The following TBC1D24 variants were observed in gnomAD, a reference collection of about 807,000 sequenced individuals.
TBC1D24 encodes the protein TBC1 domain family member 24.
In TBC1D24, 47 loss-of-function variants were observed where a neutral mutation model predicts 50.7. The observed-to-expected ratio is 0.93, with a 90% CI of 0.73 to 1.18. The LOEUF is 1.18. Among genes scored for constraint, TBC1D24 ranks in the 50% most tolerant of loss-of-function variants. The pLI is 0.00. For synonymous variants in TBC1D24, 324 were observed against 335.2 expected (o/e 0.97, Z 0.36); for missense variants, 688 against 766.5 (o/e 0.90, Z 1.21).
rs568288551 is a variant in TBC1D24, at chr16:2,499,411, G to A, written c.1197G>A (p.Thr399=). ...HEPTLLLIKT[T]QKEVCGAYLS... The stretch of plus-strand genomic sequence containing the variant: ...CTACCCTCTTGCTCATCAAGACCAC[G>A]CAGAAGGAGGTGAGCAGGGGCCCTG... Residue 399 remains threonine, a synonymous_variant, in exon 5 of 8, where the codon ACG becomes ACA. Coordinates refer to ENST00000646147, the MANE Select transcript of TBC1D24 (RefSeq NM_001199107.2). This position sits in a 1 kb window ranked among gnomAD's most constrained non-coding sequence, Gnocchi z 4.0. 22 of 1,613,510 alleles carry A rather than the reference G, an allele frequency of 1.4e-5. No homozygotes were observed. Among genetic ancestry groups the A allele is most frequent in the South Asian group, 5.5e-5 (5 of 90,958 alleles).
chr16:2,496,961 G>A lies in TBC1D24; in HGVS notation c.813G>A (p.Thr271=), dbSNP rs527719763. The A allele has an allele frequency of 1.2e-5, 19 of 1,614,040 alleles. No individual in the cohort carries two copies. Among genetic ancestry groups the A allele is most frequent in the African/African-American group, 5.3e-5 (4 of 75,084 alleles). ...ESDSVKQDIR[T]FVRDIAKTVS... Reference sequence around the variant, plus strand: ...ACAGCGTGAAGCAGGACATCCGCACGTTCGTCAGAGACATCGCGAAGACGG... The same window carrying A: ...ACAGCGTGAAGCAGGACATCCGCACATTCGTCAGAGACATCGCGAAGACGG... The change falls in exon 2 of 8, where the codon ACG becomes ACA. Residue 271 remains threonine (T), a synonymous_variant. Transcript: ENST00000646147.
In TBC1D24 at chr16:2,498,288, T is replaced by C; in HGVS notation, c.1034T>C (p.Val345Ala). The C allele has an allele frequency of 6.2e-7, 1 of 1,611,890 alleles. No homozygotes were observed. The highest frequency in any genetic ancestry group is 8.5e-7 in the Non-Finnish European group (1 of 1,179,056). Residue 345 changes from valine (V) to alanine (A), a missense_variant, in exon 4 of 8, where the codon GTC becomes GCC. Coordinates refer to ENST00000646147, the MANE Select transcript of TBC1D24 (RefSeq NM_001199107.2). ...VHAENFRSEI[V>A]SVREMRDIWS... ...GCAGAGAACTTCCGCTCGGAGATCG[T>C]CAGCGTGAGGGAGATGAGAGACATC...
chr16:2,500,328 C>A lies in TBC1D24; in HGVS notation c.1363C>A (p.Pro455Thr). 8.1e-6 allele frequency: 13 copies of A among 1,611,418 alleles called. No homozygotes were observed. Among genetic ancestry groups the A allele is most frequent in the Non-Finnish European group, 1.1e-5 (13 of 1,179,308 alleles). Residue 455 changes from proline to threonine, a missense_variant, in exon 7 of 8, where the codon CCC becomes ACC. Coordinates refer to ENST00000646147, the MANE Select transcript of TBC1D24 (RefSeq NM_001199107.2). The surrounding 1 kb of genome is among the most constrained non-coding windows in gnomAD (Gnocchi z 8.0). ...VVIKHPELTKPPPLMAAEPTA... is the reference protein window; with the variant it reads ...VVIKHPELTKTPPLMAAEPTA... ...GATCAAGCACCCCGAGCTGACCAAG[C>A]CCCCACCCTTGATGGCTGCCGAGCC... is the stretch of plus-strand genomic sequence containing the variant.
At chr16:2,488,715 A>G (rs1386014918) in intron 1 of TBC1D24, among the ~76,000 whole-genome samples, 2 of 147,960 alleles carry the variant, frequency 1.4e-5, no homozygotes, top group Non-Finnish European at 3.0e-5. Context: ...TCACCATGTT[A>G]GCCAGGATTA....
At chr16:2,497,152 C>T (rs773840708) in intron 2 of TBC1D24, 39 bp downstream of exon 2, 211 of 1,597,982 alleles carry the variant, frequency 1.3e-4, no homozygotes, top group Non-Finnish European at 1.7e-4. Flanking sequence ...CACCCAGGGT[C>T]GGGGGCTGGG....
chr16:2,505,527 G>A lies in TBC1D24; in HGVS notation c.*4569G>A, dbSNP rs147351335. The A allele has an allele frequency of 2.0e-5, 3 of 152,330 alleles. No homozygotes were observed. The East Asian group carries it at 5.8e-4, about 29-fold the overall frequency. 9.4% of individuals were successfully genotyped at this position (152,330 alleles called of 1,614,324 possible). A position where few individuals can be genotyped will look rare whatever the true frequency, so the allele number is the denominator to read the frequency against. ...AATGATTTTACCTCTTAGTTCTTAC[G>A]AAGGATGGTTATCGGGCTGGAAAAA... is the stretch of plus-strand genomic sequence containing the variant. On this transcript the variant is annotated 3_prime_UTR_variant, in exon 8 of 8. Coordinates refer to ENST00000646147, the MANE Select transcript of TBC1D24 (RefSeq NM_001199107.2).
In TBC1D24 at chr16:2,498,991, C is replaced by T. The variant is rs553460218; in HGVS notation, c.1143-366C>T. Among the ~76,000 whole-genome samples the T allele has an allele frequency of 5.3e-5, 8 of 152,356 alleles. No individual in the cohort carries two copies. The South Asian group carries it at 6.2e-4, about 12-fold the overall frequency. On this transcript the variant is annotated intron_variant, in intron 4 of 7. Coordinates refer to ENST00000646147, the MANE Select transcript of TBC1D24 (RefSeq NM_001199107.2). ...CCAAGGACACCAGCCAAGCTCCAGG[C>T]GCCACGTTGGCAGACCAGGGCCTCT...
At chr16:2,497,810 A>G (rs2065756497) in intron 3 of TBC1D24, 83 bp downstream of exon 3, 9 of 1,408,334 alleles carry the variant, frequency 6.4e-6, no homozygotes, top group Admixed American at 3.9e-5. Flanking sequence ...TCTGGGTCTC[A>G]GGGCTGCTCT....
Position 2,483,545 on chromosome 16 carries a change from C to G in TBC1D24, c.-116+8375C>G, listed in dbSNP as rs1190802408. 1 of 152,478 alleles carries G rather than the reference C, an allele frequency of 6.6e-6. No individual in the cohort carries two copies. Among genetic ancestry groups the G allele is most frequent in the East Asian group, 1.9e-4 (1 of 5,192 alleles). The allele number at this position is 152,478 out of a possible 1,614,324, so 9.4% of individuals were successfully genotyped here. On this transcript the variant is annotated intron_variant, in intron 1 of 7. Coordinates refer to ENST00000646147, the MANE Select transcript of TBC1D24 (RefSeq NM_001199107.2). This position sits in a 1 kb window ranked among gnomAD's most constrained non-coding sequence, Gnocchi z 4.0. Reference sequence around the variant, plus strand: ...ATGGGCAGGTGTATGAATGTGCAGCCTCTGGAGTGGGTAGAGTGGTTTTCT... The same window carrying G: ...ATGGGCAGGTGTATGAATGTGCAGCGTCTGGAGTGGGTAGAGTGGTTTTCT...
rs2065641705 is a variant in TBC1D24, at chr16:2,485,437, C to A, written c.-116+10267C>A. On this transcript the variant is annotated intron_variant, in intron 1 of 7. Transcript: ENST00000646147. The surrounding 1 kb of genome is among the most constrained non-coding windows in gnomAD (Gnocchi z 4.6). ...GAGTGCCTGGAGGGCAGCACCGTGT[C>A]CCTCTCCCGTACCTCACCCTAAAGG... 6.6e-6 allele frequency: 1 copy of A among 152,250 alleles called. No homozygotes were observed. Among genetic ancestry groups the A allele is most frequent in the African/African-American group, 2.4e-5 (1 of 41,446 alleles). The allele number at this position is 152,250 out of a possible 1,614,324, so 9.4% of individuals were successfully genotyped here. A position where few individuals can be genotyped will look rare whatever the true frequency, so the allele number is the denominator to read the frequency against.
In TBC1D24 at chr16:2,482,471, C is replaced by G. The variant is rs954421670; in HGVS notation, c.-116+7301C>G. On this transcript the variant is annotated intron_variant, in intron 1 of 7. Transcript: ENST00000646147. This position sits in a 1 kb window ranked among gnomAD's most constrained non-coding sequence, Gnocchi z 5.2. ...AAGGGGACAGGTGTCTCCTGCCACTCTGAACAGTGACATTCCCACAGTGTA... is the reference window on the plus strand; with the variant it reads ...AAGGGGACAGGTGTCTCCTGCCACTGTGAACAGTGACATTCCCACAGTGTA... 6.6e-6 allele frequency among the ~76,000 whole-genome samples: 1 copy of G among 152,178 alleles called. No individual in the cohort carries two copies. Among genetic ancestry groups the G allele is most frequent in the African/African-American group, 2.4e-5 (1 of 41,430 alleles).
In TBC1D24 at chr16:2,500,364, C is replaced by T; in HGVS notation, c.1399C>T (p.Leu467Phe). The T allele has an allele frequency of 6.2e-7, 1 of 1,608,984 alleles. No homozygotes were observed. Among genetic ancestry groups the T allele is most frequent in the South Asian group, 1.1e-5 (1 of 90,050 alleles). The stretch of plus-strand genomic sequence containing the variant: ...GATGGCTGCCGAGCCCACCGCCCCA[C>T]TCAGCCACTCCGCCTCCTCAGACCC... ...PLMAAEPTAP[L>F]SHSASSDPAD... Residue 467 changes from leucine (L) to phenylalanine (F), a missense_variant, in exon 7 of 8, where the codon CTC (leucine) becomes TTC (phenylalanine). By Grantham distance (22) the Leu-to-Phe change is conservative. Coordinates refer to ENST00000646147, the MANE Select transcript of TBC1D24 (RefSeq NM_001199107.2). The surrounding 1 kb of genome is among the most constrained non-coding windows in gnomAD (Gnocchi z 8.0).
At chr16:2,497,579 C>A in intron 2 of TBC1D24, 131 bp from the exon 3 acceptor site, 3 of 877,554 alleles carry the variant, frequency 3.4e-6, no homozygotes, top group Non-Finnish European at 5.5e-6. Context: ...TGCCACGCTG[C>A]GGCCTGTTGG....
Position 2,486,621 on chromosome 16 carries a change from G to C in TBC1D24, c.-115-9413G>C, listed in dbSNP as rs1003434760. 3.3e-5 allele frequency among the ~76,000 whole-genome samples: 5 copies of C among 152,220 alleles called. No individual in the cohort carries two copies. Among genetic ancestry groups the C allele is most frequent in the African/African-American group, 1.2e-4 (5 of 41,454 alleles). On this transcript the variant is annotated intron_variant, in intron 1 of 7. Transcript: ENST00000646147. The surrounding 1 kb of genome is among the most constrained non-coding windows in gnomAD (Gnocchi z 5.8). ...TTGGGACAGGGCTGCCTCTTGCCCA[G>C]GGGGCTGCAGTTGGCCCCTTGGTGG...
At chr16:2,495,813 C>T (rs993374645) in intron 1 of TBC1D24, among the ~76,000 whole-genome samples, 6 of 152,060 alleles carry the variant, frequency 3.9e-5, no homozygotes, top group Non-Finnish European at 7.4e-5. Flanking sequence ...GTGGTGGACA[C>T]CTGTCGTCCC....
chr16:2,497,627 T>G, intron 2 of TBC1D24, 83 bp from the exon 3 acceptor site: 2 of 1,386,826 alleles, frequency 1.4e-6, no homozygotes, highest in African/African-American at 1.4e-5. Flanking sequence ...CAAAGGCCTG[T>G]CGGGGGATCG....
rs1158734877 is a variant in TBC1D24 at position 2,500,070 on chromosome 16, G to A, written c.1302+140G>A. Reference sequence around the variant, plus strand: ...AGCGTCATCGCCCTGTGTGCTTCCGGGTTTGATCATTCAGCCGTGCGCTGC... The same window carrying A: ...AGCGTCATCGCCCTGTGTGCTTCCGAGTTTGATCATTCAGCCGTGCGCTGC... On this transcript the variant is annotated intron_variant, in intron 6 of 7. Coordinates refer to ENST00000646147, the MANE Select transcript of TBC1D24 (RefSeq NM_001199107.2). This position sits in a 1 kb window ranked among gnomAD's most constrained non-coding sequence, Gnocchi z 8.0. 1 of 972,838 alleles carries A rather than the reference G, an allele frequency of 1.0e-6. No homozygotes were observed. The highest frequency in any genetic ancestry group is 1.6e-6 in the Non-Finnish European group (1 of 610,908). The allele number at this position is 972,838 out of a possible 1,614,324, so 60.3% of individuals were successfully genotyped here. A position where few individuals can be genotyped will look rare whatever the true frequency, so the allele number is the denominator to read the frequency against.
intron 1 of TBC1D24, among the ~76,000 whole-genome samples, chr16:2,492,599 G>A (rs1395604486): frequency 6.6e-6 from 1 of 152,276 alleles, no homozygotes; most frequent in South Asian, 2.1e-4. Context: ...GTGGATAACC[G>A]ACCGACACGT....
At position 2,496,488 on chromosome 16, in the gene TBC1D24, G is replaced by A. The variant is rs368575199; in HGVS notation, c.340G>A (p.Val114Met). ...CCTGAATGCACGCGGCGAGGGGGCCGTGCGCAAGATCCTCCTGTGCCTGGC... is the reference window on the plus strand; with the variant it reads ...CCTGAATGCACGCGGCGAGGGGGCCATGCGCAAGATCCTCCTGTGCCTGGC... ...YCLNARGEGA[V>M]RKILLCLANQ... is the part of the protein sequence containing the mutation. Residue 114 changes from valine (V) to methionine (M), a missense_variant, in exon 2 of 8, where the codon GTG (valine) becomes ATG (methionine). Transcript: ENST00000646147. 2.9e-5 allele frequency: 46 copies of A among 1,610,026 alleles called. No homozygotes were observed. The highest frequency in any genetic ancestry group is 2.1e-4 in the African/African-American group (16 of 75,060).
Sources: allele counts gnomAD v4.1 joint callset (sites outside exome capture counted in the v4.1 genomes callset), GRCh38; gene constraint gnomAD v4.1.1; non-coding constraint Gnocchi (gnomAD v3.1); transcripts MANE v1.5; gene names NCBI Gene and HGNC (gene_info 2026-07-23, HGNC 2026-07-21).